ACYP1: variants seen among roughly 807,000 people sequenced by gnomAD.
ACYP1 encodes acylphosphatase-1.
In ACYP1, 8 loss-of-function variants were observed where a neutral mutation model predicts 10.4. The ratio of observed to expected loss-of-function variants is 0.77; its 90% CI spans 0.45 to 1.38. ACYP1 has a LOEUF of 1.38. Among genes scored for constraint, ACYP1 ranks in the 40% most tolerant of loss-of-function variants. ACYP1 has a pLI of 0.00. For synonymous variants in ACYP1, 38 were observed against 40.8 expected, an observed-to-expected ratio of 0.93 and a Z score of 0.26; for missense variants, 93 against 117.3, an observed-to-expected ratio of 0.79 and a Z score of 0.96.
intron 1 of ACYP1, among the ~76,000 whole-genome samples, 187 bp from the exon 2 acceptor site, chr14:75,063,748 C>A (rs1262086644): frequency 1.3e-5 from 2 of 152,096 alleles, no homozygotes; most frequent in Admixed American, 6.5e-5. Context: ...AACCAGACGC[C>A]GGGAGAGGGA....
intron 2 of ACYP1, among the ~76,000 whole-genome samples, chr14:75,061,987 G>A (rs965069103): frequency 2.0e-5 from 3 of 150,862 alleles, no homozygotes; most frequent in African/African-American, 7.3e-5. Context: ...TGTAATCTCA[G>A]CTACTTGGGA....
chr14:75,068,461 TTCTC>T (rs1046000910), upstream of ACYP1, among the ~76,000 whole-genome samples: 2 of 151,978 alleles, frequency 1.3e-5, no homozygotes, highest in African/African-American at 4.8e-5. Context: ...TCGCCCTTCT[TTCTC>T]ATAGAGGAGA....
chr14:75,067,965 C>T (rs942783971), upstream of ACYP1, among the ~76,000 whole-genome samples: 3 of 152,098 alleles, frequency 2.0e-5, no homozygotes, highest in Non-Finnish European at 4.4e-5. Context: ...TGCCACTGCA[C>T]TTCAGCCTGG....
intron 2 of ACYP1, chr14:75,060,266 AAAAC>A (rs1425318992): frequency 1.9e-5 from 13 of 694,092 alleles, no homozygotes; most frequent in South Asian, 6.1e-5. Flanking sequence ...TAATACCTGA[AAAAC>A]AAACAAACAA....
intron 1 of ACYP1, 83 bp from the exon 2 acceptor site, chr14:75,063,644 C>A (rs904028743): frequency 9.1e-7 from 1 of 1,100,276 alleles, no homozygotes; most frequent in Non-Finnish European, 1.4e-6. Context: ...CCACACCCAC[C>A]CCTGTCCATC....
chr14:75,061,204 G>C (rs1893007956), intron 2 of ACYP1, among the ~76,000 whole-genome samples: 1 of 152,118 alleles, frequency 6.6e-6, no homozygotes, highest in South Asian at 2.1e-4. Context: ...GTTTCTTTTT[G>C]GGATGATGAA....
In ACYP1 at chr14:75,055,015, T is replaced by C. The variant is rs552577911; in HGVS notation, c.85-1356A>G. Among the ~76,000 whole-genome samples the C allele has an allele frequency of 2.8e-4, 42 of 151,462 alleles. 3 individuals carry two copies. In the South Asian group the frequency reaches 8.6e-3, roughly 31 times the overall value. ...TAAATAGCTGTAAGAATGTGCAGTTTTAAACAGGAGGTTGTCACAGTCAAA... is the reference window on the plus strand; with the variant it reads ...TAAATAGCTGTAAGAATGTGCAGTTCTAAACAGGAGGTTGTCACAGTCAAA... On this transcript the variant is annotated intron_variant, in intron 2 of 2. Transcript: ENST00000238618.
At chr14:75,062,098 T>C (rs1199700334) in intron 2 of ACYP1, among the ~76,000 whole-genome samples, 1 of 13,380 alleles carries the variant, frequency 7.5e-5, no homozygotes, top group Non-Finnish European at 1.6e-4. Flanking sequence ...TGAAACTCTG[T>C]CTCAAAAAAA....
At chr14:75,058,174 C>G (rs1373399523) in intron 2 of ACYP1, among the ~76,000 whole-genome samples, 3 of 150,564 alleles carry the variant, frequency 2.0e-5, no homozygotes, top group African/African-American at 7.4e-5. Context: ...TCTCACCGGG[C>G]ACGGTGGCTC....
intron 2 of ACYP1, among the ~76,000 whole-genome samples, chr14:75,061,998 A>G (rs973659057): frequency 3.5e-4 from 52 of 147,950 alleles, no homozygotes; most frequent in Admixed American, 3.2e-3. Flanking sequence ...CTACTTGGGA[A>G]GCTGAAGTAG....
chr14:75,063,611 C>T (rs536839476), intron 1 of ACYP1, 50 bp from the exon 2 acceptor site: 1 of 1,514,650 alleles, frequency 6.6e-7, no homozygotes, highest in Non-Finnish European at 9.1e-7. Context: ...ATTCCAGGAC[C>T]CGCAAGCCTG....
At chr14:75,059,164 G>A (rs1336619097) in intron 2 of ACYP1, among the ~76,000 whole-genome samples, 7 of 123,154 alleles carry the variant, frequency 5.7e-5, no homozygotes, top group South Asian at 2.7e-4. Context: ...TGCACAGAGC[G>A]AGACTCTGTC....
chr14:75,065,143 T>G (rs1384584219), upstream of ACYP1, among the ~76,000 whole-genome samples: 1 of 152,120 alleles, frequency 6.6e-6, no homozygotes, highest in Non-Finnish European at 1.5e-5. Flanking sequence ...AAAATTAGAG[T>G]TGATGTGTAA....
intron 2 of ACYP1, among the ~76,000 whole-genome samples, chr14:75,057,734 C>T (rs969252261): frequency 5.4e-5 from 8 of 148,898 alleles, no homozygotes; most frequent in East Asian, 2.0e-4. Flanking sequence ...TTTGGGAGGC[C>T]GAGGTGGGGG....
chr14:75,058,136 G>A (rs175510), intron 2 of ACYP1, among the ~76,000 whole-genome samples: 62,162 of 150,126 alleles, frequency 0.41, 13,915 homozygotes, highest in Middle Eastern at 0.51. Context: ...GGAAGAGGTG[G>A]GGTACCAGGC....
At chr14:75,057,664 G>A (rs1473238078) in intron 2 of ACYP1, among the ~76,000 whole-genome samples, 2 of 151,306 alleles carry the variant, frequency 1.3e-5, no homozygotes, top group African/African-American at 4.9e-5. Flanking sequence ...ACCATTTCGT[G>A]TTGCTATAAA....
At chr14:75,060,045 A>C in intron 2 of ACYP1, 1 of 415,826 alleles carries the variant, frequency 2.4e-6, no homozygotes, top group Non-Finnish European at 4.3e-6. Context: ...GAACAATGTG[A>C]ATGTGCTTAA....
chr14:75,057,206 A>G (rs1892897604), intron 2 of ACYP1, among the ~76,000 whole-genome samples: 1 of 151,664 alleles, frequency 6.6e-6, no homozygotes, highest in African/African-American at 2.4e-5. Context: ...TCTATACACT[A>G]GCAATGAAAA....
intron 2 of ACYP1, among the ~76,000 whole-genome samples, chr14:75,062,026 G>A (rs908310664): frequency 2.0e-5 from 3 of 148,328 alleles, no homozygotes; most frequent in Admixed American, 7.0e-5. Context: ...GCTTGAACCC[G>A]GGAGGCGGAC....
Sources: allele counts gnomAD v4.1 joint callset (sites outside exome capture counted in the v4.1 genomes callset), GRCh38; gene constraint gnomAD v4.1.1; transcripts MANE v1.5; gene names NCBI Gene and HGNC (gene_info 2026-07-23, HGNC 2026-07-21).